The following ZRANB3 variants were observed in gnomAD, a reference collection of about 807,000 sequenced individuals.
The protein encoded by ZRANB3 is zinc finger RANBP2-type containing 3.
In ZRANB3, 125 loss-of-function variants were observed where a neutral mutation model predicts 133.8. The ratio of observed to expected loss-of-function variants is 0.93; its 90% CI spans 0.81 to 1.08. The LOEUF (loss-of-function observed/expected upper bound fraction) is 1.08. Among genes scored for constraint, ZRANB3 ranks in the 50% least tolerant of loss-of-function variants. The pLI is 0.00. For missense variants in ZRANB3, 1,229 were observed against 1,275.5 expected, an observed-to-expected ratio of 0.96 and a Z score of 0.56; for synonymous variants, 387 against 432.7, an observed-to-expected ratio of 0.89 and a Z score of 1.31.
chr2:135,422,491 G>A (rs189373011), intron 2 of ZRANB3, among the ~76,000 whole-genome samples: 69 of 152,026 alleles, frequency 4.5e-4, no homozygotes, highest in Middle Eastern at 6.8e-3. Flanking sequence ...AAAAAAGGCG[G>A]GGGGCAGGGG....
chr2:135,521,584 T>C (rs1238016169), intron 1 of ZRANB3, among the ~76,000 whole-genome samples: 1 of 152,140 alleles, frequency 6.6e-6, no homozygotes, highest in African/African-American at 2.4e-5. Flanking sequence ...CTACAGAAGG[T>C]ATTGGGTAAA....
intron 4 of ZRANB3, among the ~76,000 whole-genome samples, chr2:135,351,563 T>A (rs184314392): frequency 6.5e-4 from 99 of 152,338 alleles, no homozygotes; most frequent in African/African-American, 2.4e-3. Context: ...TTTCTCACTG[T>A]ATTCAAACAC....
chr2:135,386,645 T>A (rs1166552317), intron 3 of ZRANB3, among the ~76,000 whole-genome samples: 2 of 152,164 alleles, frequency 1.3e-5, no homozygotes, highest in South Asian at 4.1e-4. Context: ...ATATACACCA[T>A]GGAATGCTAT....
At chr2:135,415,176 T>C (rs1160561298) in intron 2 of ZRANB3, among the ~76,000 whole-genome samples, 1 of 150,632 alleles carries the variant, frequency 6.6e-6, no homozygotes, top group Non-Finnish European at 1.5e-5. Flanking sequence ...GAGCTGGTTT[T>C]TTGAACGGAT....
At chr2:135,214,546 A>G (rs1370037606) in intron 17 of ZRANB3, among the ~76,000 whole-genome samples, 3 of 152,190 alleles carry the variant, frequency 2.0e-5, no homozygotes, top group African/African-American at 4.8e-5. Flanking sequence ...AGAAATAGCT[A>G]GAAATTCAGT....
intron 12 of ZRANB3, among the ~76,000 whole-genome samples, chr2:135,247,847 C>T (rs892374716): frequency 7.9e-5 from 12 of 152,088 alleles, no homozygotes; most frequent in East Asian, 3.9e-4. Flanking sequence ...AGAGTCCAAG[C>T]GAAAGGGAGT....
intron 12 of ZRANB3, among the ~76,000 whole-genome samples, chr2:135,247,150 C>G (rs934417305): frequency 6.6e-6 from 1 of 152,150 alleles, no homozygotes; most frequent in Non-Finnish European, 1.5e-5. Flanking sequence ...ATTAATAAAC[C>G]TATTTTACAA....
intron 3 of ZRANB3, among the ~76,000 whole-genome samples, chr2:135,371,776 T>C (rs1686191696): frequency 6.6e-6 from 1 of 152,114 alleles, no homozygotes; most frequent in African/African-American, 2.4e-5. Flanking sequence ...TCCAAAAAAT[T>C]CATGTTAAAA....
At position 135,269,016 on chromosome 2, in the gene ZRANB3, G is replaced by A; in HGVS notation, c.1332C>T (p.Tyr444=). ...TGTCTAGGGTTCCATTTGCAATAAG[G>A]TAGTGAATATTCACAGAACTGCACT... ...IGQCSSVNIH[Y]LIANGTLDTL... is the part of the protein sequence containing the mutation. Residue 444 remains tyrosine, a synonymous_variant, in exon 11 of 21, where the codon TAC becomes TAT. Coordinates refer to ENST00000264159, the MANE Select transcript of ZRANB3 (RefSeq NM_032143.4). 5.0e-6 allele frequency: 8 copies of A among 1,612,190 alleles called. No homozygotes were observed. The highest frequency in any genetic ancestry group is 5.9e-6 in the Non-Finnish European group (7 of 1,179,388).
At chr2:135,413,145 A>G (rs1199859881) in intron 2 of ZRANB3, among the ~76,000 whole-genome samples, 1 of 152,170 alleles carries the variant, frequency 6.6e-6, no homozygotes, top group Non-Finnish European at 1.5e-5. Flanking sequence ...CTTCCCTATT[A>G]AGACACTTTA....
intron 2 of ZRANB3, among the ~76,000 whole-genome samples, chr2:135,494,184 A>C (rs1260482653): frequency 7.9e-5 from 1 of 12,640 alleles, no homozygotes; most frequent in African/African-American, 3.3e-4. Context: ...GGAGGGAGGG[A>C]GGGAGGGCGC....
At chr2:135,296,449 G>A (rs1420549900) in intron 8 of ZRANB3, among the ~76,000 whole-genome samples, 3 of 151,936 alleles carry the variant, frequency 2.0e-5, no homozygotes, top group African/African-American at 7.3e-5. Flanking sequence ...AAGTACTTTT[G>A]TGCATTGGTT....
intron 1 of ZRANB3, among the ~76,000 whole-genome samples, chr2:135,526,919 AAAC>A (rs1157660165): frequency 1.3e-5 from 2 of 152,212 alleles, no homozygotes; most frequent in African/African-American, 4.8e-5. Flanking sequence ...CCAGGTCTTC[AAAC>A]AACCTCAACC....
At chr2:135,295,645 A>G (rs1399488597) in intron 8 of ZRANB3, among the ~76,000 whole-genome samples, 7 of 152,114 alleles carry the variant, frequency 4.6e-5, no homozygotes, top group African/African-American at 1.7e-4. Context: ...TATTTTGCTC[A>G]TTAGTTGATG....
chr2:135,284,693 G>A (rs1271455854), intron 8 of ZRANB3, among the ~76,000 whole-genome samples: 1 of 151,976 alleles, frequency 6.6e-6, no homozygotes, highest in African/African-American at 2.4e-5. Flanking sequence ...GGATAGTCTC[G>A]ATCTCTTGAC....
intron 1 of ZRANB3, among the ~76,000 whole-genome samples, chr2:135,514,772 T>G (rs989504572): frequency 6.6e-6 from 1 of 152,220 alleles, no homozygotes; most frequent in Non-Finnish European, 1.5e-5. Flanking sequence ...TGGCTGTGGG[T>G]GTGTCATAAA....
intron 2 of ZRANB3, among the ~76,000 whole-genome samples, chr2:135,503,120 A>G (rs1235076119): frequency 6.6e-6 from 1 of 152,210 alleles, no homozygotes; most frequent in Non-Finnish European, 1.5e-5. Flanking sequence ...TTTGGGTTAT[A>G]AGAGTATATG....
chr2:135,357,241 C>T (rs1317864871), intron 3 of ZRANB3, among the ~76,000 whole-genome samples: 1 of 151,908 alleles, frequency 6.6e-6, no homozygotes, highest in Non-Finnish European at 1.5e-5. Context: ...CTGGGGACTA[C>T]AGGCGAGTGC....
chr2:135,441,121 A>C (rs1689760601), intron 2 of ZRANB3, among the ~76,000 whole-genome samples: 1 of 152,220 alleles, frequency 6.6e-6, no homozygotes. Flanking sequence ...CTCAGACCCA[A>C]GAAGCTCAAT....
Sources: gnomAD v4.1 joint callset for allele counts (sites outside exome capture counted in the v4.1 genomes callset) on GRCh38, gnomAD v4.1.1 for gene constraint, MANE v1.5 for transcripts, NCBI Gene and HGNC (gene_info 2026-07-23, HGNC 2026-07-21) for gene names.